KLHL3: variants seen among roughly 807,000 people sequenced by gnomAD.
KLHL3 encodes the protein kelch-like protein 3.
Under a neutral mutation model 70.5 loss-of-function variants are expected in KLHL3, and 19 were observed. That is an observed-to-expected ratio of 0.27 (90% CI 0.19 to 0.40). The LOEUF (loss-of-function observed/expected upper bound fraction) is 0.40, where lower values mean the gene tolerates loss of function less well. KLHL3 is among the 10% of genes least tolerant of loss of function. The probability of loss-of-function intolerance (pLI) is 1.00; values close to 1 mark genes in which losing one functional copy is unlikely to be tolerated. For synonymous variants in KLHL3, 258 were observed against 290.3 expected (o/e 0.89, Z 1.13); for missense variants, 512 against 771.1 (o/e 0.66, Z 3.98).
rs146078645 is a variant in KLHL3, at chr5:137,704,571, T to C, written c.241+5179A>G. ...ACATTCATAAAATATTCCTTACCAA[T>C]AGTTTATCTCCAATGGTGGTCTCAA... On this transcript the variant is annotated intron_variant, in intron 3 of 14. Transcript: ENST00000309755. Among the ~76,000 whole-genome samples, 15 of 152,264 alleles carry C rather than the reference T, an allele frequency of 9.9e-5. No homozygotes were observed. In the East Asian group the frequency reaches 2.9e-3, roughly 29 times the overall value.
intron 12 of KLHL3, chr5:137,629,406 C>T (rs1750572385): frequency 6.6e-6 from 1 of 152,200 alleles, no homozygotes; most frequent in East Asian, 1.9e-4. Flanking sequence ...GGGCAGGCTG[C>T]ATCTCAATCG....
chr5:137,714,595 G>A (rs1224176587), intron 2 of KLHL3, among the ~76,000 whole-genome samples: 1 of 152,184 alleles, frequency 6.6e-6, no homozygotes, highest in Non-Finnish European at 1.5e-5. Flanking sequence ...ACATAAAGTA[G>A]ACTAGTGGTT....
intron 11 of KLHL3, 126 bp downstream of exon 11, chr5:137,637,168 A>T: frequency 1.4e-6 from 1 of 691,672 alleles, no homozygotes; most frequent in Non-Finnish European, 2.5e-6. Flanking sequence ...GGATAATAGT[A>T]CCTAACCCAG....
intron 1 of KLHL3, chr5:137,725,162 G>C (rs1753066569): frequency 4.0e-6 from 2 of 498,594 alleles, no homozygotes; most frequent in South Asian, 1.7e-4. Context: ...AATAAGGCTA[G>C]TGGATCCCCT....
At chr5:137,664,403 T>C (rs1018665930) in intron 6 of KLHL3, among the ~76,000 whole-genome samples, 2 of 150,814 alleles carry the variant, frequency 1.3e-5, no homozygotes, top group Non-Finnish European at 3.0e-5. Flanking sequence ...ACTAAAAAAG[T>C]GTAAGAAGGT....
chr5:137,725,063 T>C, intron 1 of KLHL3: 1 of 985,232 alleles, frequency 1.0e-6, no homozygotes, highest in Non-Finnish European at 1.2e-6. Flanking sequence ...CTCCATTCAT[T>C]CCAGATCTTA....
intron 1 of KLHL3, among the ~76,000 whole-genome samples, chr5:137,724,056 T>C (rs1044589850): frequency 6.6e-6 from 1 of 152,248 alleles, no homozygotes; most frequent in African/African-American, 2.4e-5. Context: ...GTCTTTCCTT[T>C]AATCTTGTAA....
rs1008422076 is a variant in KLHL3, at chr5:137,620,446, C to T, written c.*1652G>A. The T allele has an allele frequency of 6.6e-6, 1 of 152,102 alleles. No homozygotes were observed. Among genetic ancestry groups the T allele is most frequent in the Non-Finnish European group, 1.5e-5 (1 of 68,028 alleles). The allele number at this position is 152,102 out of a possible 1,614,324, so 9.4% of individuals were successfully genotyped here. A position where few individuals can be genotyped will look rare whatever the true frequency, so the allele number is the denominator to read the frequency against. On this transcript the variant is annotated 3_prime_UTR_variant, in exon 15 of 15. Coordinates refer to ENST00000309755, the MANE Select transcript of KLHL3 (RefSeq NM_017415.3). ...AGCACCTGCTTGGAAGTAGCCCAGT[C>T]GTATCAGAAGTCCAACATCAGGATT...
At chr5:137,646,556 A>G (rs960568326) in intron 8 of KLHL3, among the ~76,000 whole-genome samples, 4 of 152,162 alleles carry the variant, frequency 2.6e-5, no homozygotes, top group Non-Finnish European at 5.9e-5. Context: ...CCCACAGTCT[A>G]CATGTATCAC....
At chr5:137,735,246 AC>A (rs1354140837) in intron 1 of KLHL3, among the ~76,000 whole-genome samples, 3 of 151,604 alleles carry the variant, frequency 2.0e-5, no homozygotes, top group Non-Finnish European at 4.4e-5. Context: ...GACATCAAAA[AC>A]CCCCCACCAA....
chr5:137,644,940 C>T (rs1224022199), intron 8 of KLHL3, among the ~76,000 whole-genome samples: 1 of 152,158 alleles, frequency 6.6e-6, no homozygotes, highest in Non-Finnish European at 1.5e-5. Context: ...TGAAATTCAA[C>T]AGCACATTGA....
intron 1 of KLHL3, among the ~76,000 whole-genome samples, chr5:137,728,649 G>A (rs2149938893): frequency 6.6e-6 from 1 of 152,256 alleles, no homozygotes; most frequent in Non-Finnish European, 1.5e-5. Context: ...GAGGAAAATG[G>A]AGGCAGTGAA....
intron 5 of KLHL3, among the ~76,000 whole-genome samples, chr5:137,687,069 T>TG (rs770013305): frequency 0.12 from 933 of 7,952 alleles, 10 homozygotes; most frequent in African/African-American, 0.27. Flanking sequence ...GGGAGGGAGG[T>TG]GGGGGGGGTC....
At chr5:137,628,666 C>A (rs986038883) in intron 12 of KLHL3, 5 of 405,346 alleles carry the variant, frequency 1.2e-5, no homozygotes, top group Non-Finnish European at 2.2e-5. Flanking sequence ...GCAAATGTGA[C>A]CCAAATTCTG....
At chr5:137,624,977 A>G (rs940477498) in intron 14 of KLHL3, among the ~76,000 whole-genome samples, 1 of 152,204 alleles carries the variant, frequency 6.6e-6, no homozygotes, top group Non-Finnish European at 1.5e-5. Flanking sequence ...AAGGGCATGG[A>G]CTTAGAACTC....
At chr5:137,627,144 T>A (rs368477937) in intron 13 of KLHL3, among the ~76,000 whole-genome samples, 1 of 152,154 alleles carries the variant, frequency 6.6e-6, no homozygotes, top group African/African-American at 2.4e-5. Context: ...CAATAGTAGA[T>A]TGGTTGTTTA....
At chr5:137,683,165 T>G (rs1198651819) in intron 5 of KLHL3, among the ~76,000 whole-genome samples, 1 of 152,182 alleles carries the variant, frequency 6.6e-6, no homozygotes, top group Non-Finnish European at 1.5e-5. Context: ...TTTGTGTTGC[T>G]TGGTGGGAAA....
chr5:137,630,188 G>A (rs62375429), intron 12 of KLHL3, among the ~76,000 whole-genome samples: 3,421 of 152,304 alleles, frequency 0.022, 60 homozygotes, highest in Non-Finnish European at 0.037. Context: ...CTGGGAGCCT[G>A]AGGCCAGGGC....
chr5:137,641,184 G>A (rs1750906070), intron 8 of KLHL3, among the ~76,000 whole-genome samples: 1 of 152,150 alleles, frequency 6.6e-6, no homozygotes, highest in Non-Finnish European at 1.5e-5. Context: ...CTCACTCAAC[G>A]GCATTCCAAT....
Sources: gnomAD v4.1 joint callset for allele counts (sites outside exome capture counted in the v4.1 genomes callset) on GRCh38, gnomAD v4.1.1 for gene constraint, MANE v1.5 for transcripts, NCBI Gene and HGNC (gene_info 2026-07-23, HGNC 2026-07-21) for gene names.